Variants in MIR2052HG observed in about 807,000 individuals in gnomAD.
MIR2052HG encodes MIR2052 host gene.
At chr8:74,740,679 A>G (rs934773531) in intron 4 of MIR2052HG, among the ~76,000 whole-genome samples, 3 of 152,216 alleles carry the variant, frequency 2.0e-5, no homozygotes, top group Non-Finnish European at 2.9e-5. Context: ...TATTAAGTAC[A>G]TGATATTGTT....
chr8:74,699,528 G>A (rs1314757734), intron 2 of MIR2052HG, among the ~76,000 whole-genome samples: 1 of 151,856 alleles, frequency 6.6e-6, no homozygotes, highest in East Asian at 1.9e-4. Context: ...TCTAAGTGAA[G>A]TAACTCAGGA....
chr8:74,673,906 T>TAC (rs1554575305), intron 2 of MIR2052HG, among the ~76,000 whole-genome samples: 3 of 138,298 alleles, frequency 2.2e-5, no homozygotes, highest in Admixed American at 7.0e-5. Flanking sequence ...TATATATATA[T>TAC]ATATACACAC....
intron 2 of MIR2052HG, among the ~76,000 whole-genome samples, chr8:74,695,946 C>T (rs892936252): frequency 6.6e-6 from 1 of 152,004 alleles, no homozygotes; most frequent in Non-Finnish European, 1.5e-5. Context: ...AAACAATGGA[C>T]TTAAACTATA....
At chr8:74,647,702 T>C (rs528170938) in intron 2 of MIR2052HG, among the ~76,000 whole-genome samples, 25 of 152,296 alleles carry the variant, frequency 1.6e-4, no homozygotes, top group African/African-American at 5.8e-4. Flanking sequence ...GGACCCAGAA[T>C]GGAGGGACCG....
At chr8:74,601,775 C>T (rs1808004325) in intron 1 of MIR2052HG, among the ~76,000 whole-genome samples, 3 of 152,136 alleles carry the variant, frequency 2.0e-5, no homozygotes, top group South Asian at 4.1e-4. Context: ...GGTGAGCTGG[C>T]ATTAGCTGAC....
At chr8:74,745,770 C>T (rs144587900) in intron 4 of MIR2052HG, among the ~76,000 whole-genome samples, 1 of 152,208 alleles carries the variant, frequency 6.6e-6, no homozygotes, top group African/African-American at 2.4e-5. Flanking sequence ...TTGAAAAGAG[C>T]CTTGCAGCAA....
intron 2 of MIR2052HG, among the ~76,000 whole-genome samples, chr8:74,626,221 A>T (rs1419750379): frequency 6.6e-6 from 1 of 152,164 alleles, no homozygotes; most frequent in East Asian, 1.9e-4. Flanking sequence ...ATCACTGGAT[A>T]CCTCTTTAGA....
At chr8:74,686,949 A>G (rs1335908049) in intron 2 of MIR2052HG, among the ~76,000 whole-genome samples, 1 of 152,164 alleles carries the variant, frequency 6.6e-6, no homozygotes, top group African/African-American at 2.4e-5. Context: ...GTTCAGAGAC[A>G]GATACTATAG....
intron 2 of MIR2052HG, among the ~76,000 whole-genome samples, chr8:74,691,226 G>T (rs1195611806): frequency 6.6e-6 from 1 of 152,230 alleles, no homozygotes; most frequent in Non-Finnish European, 1.5e-5. Context: ...CATGATGTGT[G>T]TTGGGTGTAA....
intron 4 of MIR2052HG, among the ~76,000 whole-genome samples, chr8:74,741,198 C>G (rs1809824877): frequency 1.3e-5 from 2 of 152,154 alleles, no homozygotes; most frequent in South Asian, 4.1e-4. Context: ...TTGTATTATA[C>G]AGGTATGTTT....
chr8:74,734,777 C>G (rs1586927001), intron 4 of MIR2052HG, among the ~76,000 whole-genome samples: 1 of 152,202 alleles, frequency 6.6e-6, no homozygotes. Context: ...CCATGCAAGA[C>G]CTTCAAAGGA....
chr8:74,733,297 A>T (rs1011674486), intron 4 of MIR2052HG, among the ~76,000 whole-genome samples: 1 of 151,712 alleles, frequency 6.6e-6, no homozygotes, highest in Non-Finnish European at 1.5e-5. Context: ...TGTTCTCATT[A>T]TTCAATTCCC....
At chr8:74,680,588 A>C (rs576153649) in intron 2 of MIR2052HG, among the ~76,000 whole-genome samples, 2 of 152,176 alleles carry the variant, frequency 1.3e-5, no homozygotes, top group Non-Finnish European at 2.9e-5. Flanking sequence ...GATGTGGAGA[A>C]ACAGGAACAC....
intron 2 of MIR2052HG, among the ~76,000 whole-genome samples, chr8:74,666,696 G>C (rs891599559): frequency 6.6e-6 from 1 of 152,146 alleles, no homozygotes; most frequent in Non-Finnish European, 1.5e-5. Flanking sequence ...AATTCCAAAA[G>C]ATGGTGTCGA....
chr8:74,753,660 A>G, intron 5 of MIR2052HG, among the ~76,000 whole-genome samples: 1 of 152,172 alleles, frequency 6.6e-6, no homozygotes, highest in East Asian at 1.9e-4. Context: ...GGACTACCTG[A>G]AAGCCATTAT....
intron 1 of MIR2052HG, among the ~76,000 whole-genome samples, chr8:74,600,780 T>G (rs768031351): frequency 6.6e-6 from 1 of 151,984 alleles, no homozygotes; most frequent in Non-Finnish European, 1.5e-5. Context: ...TTCACCATGT[T>G]GGCCAGGATG....
intron 2 of MIR2052HG, among the ~76,000 whole-genome samples, chr8:74,627,923 G>T (rs1338340226): frequency 1.3e-5 from 2 of 152,294 alleles, no homozygotes; most frequent in East Asian, 3.9e-4. Context: ...AATCTATCAA[G>T]CTTAGTAGCC....
chr8:74,610,367 A>AT (rs1041749059), intron 1 of MIR2052HG, among the ~76,000 whole-genome samples: 7 of 151,638 alleles, frequency 4.6e-5, no homozygotes, highest in African/African-American at 7.2e-5. Flanking sequence ...CTGAGAAAAA[A>AT]TTTTTAAAAC....
chr8:74,623,846 A>G (rs1808400307), intron 2 of MIR2052HG, among the ~76,000 whole-genome samples: 1 of 152,210 alleles, frequency 6.6e-6, no homozygotes, highest in Admixed American at 6.5e-5. Context: ...TATAAGGGAT[A>G]TTGAACATTG....
Sources: gnomAD v4.1 joint callset for allele counts (sites outside exome capture counted in the v4.1 genomes callset) on GRCh38, gnomAD v4.1.1 for gene constraint, MANE v1.5 for transcripts, NCBI Gene and HGNC (gene_info 2026-07-23, HGNC 2026-07-21) for gene names.